The following RANGAP1 variants were observed in gnomAD, a reference collection of about 807,000 sequenced individuals.
RANGAP1 encodes the protein ran GTPase-activating protein 1.
RANGAP1 carries 38 observed loss-of-function variants against 63.5 expected under a neutral mutation model. That is an observed-to-expected ratio of 0.60 (90% CI 0.46 to 0.78). The LOEUF (loss-of-function observed/expected upper bound fraction) is 0.78, where lower values mean the gene tolerates loss of function less well. Among genes scored for constraint, RANGAP1 ranks in the 30% least tolerant of loss-of-function variants. RANGAP1 has a pLI of 0.00. For missense variants in RANGAP1, 630 were observed against 740.3 expected (o/e 0.85, Z 1.73); for synonymous variants, 329 against 310.5 (o/e 1.06, Z -0.63).
chr22:41,264,359 C>A (rs915060870), intron 5 of RANGAP1, among the ~76,000 whole-genome samples: 3 of 152,204 alleles, frequency 2.0e-5, no homozygotes, highest in African/African-American at 7.2e-5. Flanking sequence ...AGCTGCTCTG[C>A]GGGTACAGTG....
chr22:41,247,086 C>T (rs1010813819), intron 15 of RANGAP1, among the ~76,000 whole-genome samples: 33 of 151,816 alleles, frequency 2.2e-4, no homozygotes, highest in African/African-American at 7.7e-4. Context: ...GACGGAGTCT[C>T]GCTCTGTCAC....
intron 15 of RANGAP1, among the ~76,000 whole-genome samples, chr22:41,248,972 C>T (rs758798323): frequency 9.2e-5 from 14 of 152,236 alleles, no homozygotes; most frequent in Non-Finnish European, 1.5e-4. Context: ...CGCAGCACCT[C>T]GCTCAGCAGA....
At chr22:41,283,434 G>T (rs1350516902) in intron 1 of RANGAP1, among the ~76,000 whole-genome samples, 1 of 152,070 alleles carries the variant, frequency 6.6e-6, no homozygotes, top group Non-Finnish European at 1.5e-5. Flanking sequence ...GCTTGAACCC[G>T]GGAGGCGGAG....
rs2035741007 is a variant in RANGAP1 at position 41,286,147 on chromosome 22, C to T, written c.-200G>A. ...TCTGTTAGCTCTCTCGAGCTCCCGGCCTCACGCGCTTCCAGCACCACCTGC... is the reference window on the plus strand; with the variant it reads ...TCTGTTAGCTCTCTCGAGCTCCCGGTCTCACGCGCTTCCAGCACCACCTGC... On this transcript the variant is annotated 5_prime_UTR_variant, in exon 1 of 16. Coordinates refer to ENST00000356244, the MANE Select transcript of RANGAP1 (RefSeq NM_002883.4). The T allele has an allele frequency of 6.6e-6, 1 of 152,462 alleles. No homozygotes were observed. Among genetic ancestry groups the T allele is most frequent in the South Asian group, 2.1e-4 (1 of 4,834 alleles). 9.4% of individuals were successfully genotyped at this position (152,462 alleles called of 1,614,324 possible).
intron 3 of RANGAP1, among the ~76,000 whole-genome samples, chr22:41,268,363 C>A (rs559569635): frequency 5.9e-5 from 9 of 152,292 alleles, no homozygotes; most frequent in Non-Finnish European, 1.3e-4. Flanking sequence ...TCAAGCAATT[C>A]TCCTGCCTAA....
chr22:41,264,760 A>G lies in RANGAP1; in HGVS notation c.384T>C (p.Gly128=). ...TGAGCAGGGCCTCGAAGCCTTGCAC[A>G]CCGTCGGGCCCGAATGCGTTGTCGC... The part of the protein sequence containing the change: ...DLSDNAFGPD[G]VQGFEALLKS... Residue 128 remains glycine (G), a synonymous_variant, in exon 5 of 16, where the codon GGT becomes GGC. Transcript: ENST00000356244. The G allele has an allele frequency of 6.2e-7, 1 of 1,614,124 alleles. No individual in the cohort carries two copies. The highest frequency in any genetic ancestry group is 1.3e-5 in the African/African-American group (1 of 75,066).
chr22:41,260,002 C>A (rs1188371563), intron 6 of RANGAP1, among the ~76,000 whole-genome samples: 1 of 141,858 alleles, frequency 7.0e-6, no homozygotes, highest in East Asian at 2.0e-4. Context: ...CGAGACCCTG[C>A]CTCAATAAAA....
chr22:41,274,053 G>C (rs1023040842), intron 3 of RANGAP1, among the ~76,000 whole-genome samples: 2 of 152,192 alleles, frequency 1.3e-5, no homozygotes, highest in African/African-American at 4.8e-5. Context: ...ACTCCAGCCT[G>C]GACGACAGAG....
chr22:41,287,938 A>G (rs1223153966), upstream of RANGAP1, among the ~76,000 whole-genome samples: 3 of 152,004 alleles, frequency 2.0e-5, no homozygotes, highest in Non-Finnish European at 4.4e-5. Context: ...GTGAGCCGAG[A>G]CGCACCATTG....
chr22:41,244,805 C>G lies in RANGAP1; in HGVS notation c.*1798G>C, dbSNP rs911083007. On this transcript the variant is annotated 3_prime_UTR_variant, in exon 16 of 16. Coordinates refer to ENST00000356244, the MANE Select transcript of RANGAP1 (RefSeq NM_002883.4). The stretch of plus-strand genomic sequence containing the variant: ...ATCATTTTAACCATTTTTATGTGTA[C>G]AATTCAGTGCATTAAGTACATTCAC... Among the ~76,000 whole-genome samples, 27 of 152,178 alleles carry G rather than the reference C, an allele frequency of 1.8e-4. No individual in the cohort carries two copies. The highest frequency in any genetic ancestry group is 6.2e-4 in the South Asian group (3 of 4,834).
intron 14 of RANGAP1, 118 bp from the exon 15 acceptor site, chr22:41,249,569 C>T (rs551372445): frequency 3.9e-6 from 6 of 1,548,310 alleles, no homozygotes; most frequent in Admixed American, 1.8e-5. Flanking sequence ...GGAATCTCAT[C>T]GTGAAGACCA....
intron 2 of RANGAP1, 137 bp downstream of exon 2, chr22:41,280,796 G>A: frequency 6.5e-7 from 1 of 1,527,812 alleles, no homozygotes; most frequent in Non-Finnish European, 8.8e-7. Flanking sequence ...TGTTAGAATA[G>A]GCCCAATGAT....
At chr22:41,262,321 A>T (rs1289404500) in intron 5 of RANGAP1, among the ~76,000 whole-genome samples, 1 of 152,182 alleles carries the variant, frequency 6.6e-6, no homozygotes, top group Admixed American at 6.5e-5. Context: ...AATGCGACAT[A>T]AAAGAATCAC....
At chr22:41,288,669 C>T (rs920369271), upstream of RANGAP1, among the ~76,000 whole-genome samples, 7 of 152,076 alleles carry the variant, frequency 4.6e-5, no homozygotes, top group African/African-American at 1.4e-4. Flanking sequence ...TAGCTGATCC[C>T]GTCCTCATCC....
intron 1 of RANGAP1, chr22:41,285,640 A>C (rs377402152): frequency 1.0e-6 from 1 of 985,410 alleles, no homozygotes; most frequent in African/African-American, 1.7e-5. Flanking sequence ...TACAGGCCGC[A>C]AATGATAGGC....
intron 3 of RANGAP1, among the ~76,000 whole-genome samples, chr22:41,269,826 C>T (rs2034692383): frequency 6.6e-6 from 1 of 151,470 alleles, no homozygotes; most frequent in Non-Finnish European, 1.5e-5. Flanking sequence ...ACCTCAATTA[C>T]CCTTATTTAA....
intron 6 of RANGAP1, among the ~76,000 whole-genome samples, chr22:41,258,340 C>G (rs775591057): frequency 6.6e-6 from 1 of 152,224 alleles, no homozygotes; most frequent in Admixed American, 6.5e-5. Context: ...ATCAAAGAGG[C>G]GAAGTGACTT....
chr22:41,285,714 T>C, intron 1 of RANGAP1: 1 of 981,512 alleles, frequency 1.0e-6, no homozygotes, highest in Non-Finnish European at 1.2e-6. Context: ...TTGACAACAA[T>C]GCTAATATGA....
chr22:41,263,418 C>T (rs2034286071), intron 5 of RANGAP1, among the ~76,000 whole-genome samples: 1 of 152,116 alleles, frequency 6.6e-6, no homozygotes, highest in Non-Finnish European at 1.5e-5. Flanking sequence ...GAGTTTTGCT[C>T]TTGTTGCCCA....
Sources: allele counts gnomAD v4.1 joint callset (sites outside exome capture counted in the v4.1 genomes callset), GRCh38; gene constraint gnomAD v4.1.1; transcripts MANE v1.5; gene names NCBI Gene and HGNC (gene_info 2026-07-23, HGNC 2026-07-21).